Variants in GRID1 observed in about 807,000 individuals in gnomAD.
The protein encoded by GRID1 is glutamate receptor ionotropic, delta-1.
A neutral mutation model predicts 98.0 loss-of-function variants in GRID1; 28 were observed. The observed-to-expected ratio is 0.29, with a 90% CI of 0.21 to 0.39. GRID1 has a LOEUF of 0.39. Ranked by LOEUF, GRID1 falls within the 10% of genes least tolerant of loss-of-function variation. The pLI is 1.00. For missense variants in GRID1, 1,111 were observed against 1,340.5 expected (o/e 0.83, Z 2.67); for synonymous variants, 553 against 538.5 (o/e 1.03, Z -0.37).
chr10:85,710,354 A>G lies in GRID1; in HGVS notation c.1997+12649T>C, dbSNP rs536937571. 1.1e-4 allele frequency among the ~76,000 whole-genome samples: 17 copies of G among 152,292 alleles called. No homozygotes were observed. In the South Asian group the frequency reaches 3.1e-3, roughly 28 times the overall value. On this transcript the variant is annotated intron_variant, in intron 12 of 15. Transcript: ENST00000327946. ...TCAAATGATTTTCGATGAGGGTGCCAAGACAATTCAAAGAAGAAAGGATAG... is the reference window on the plus strand; with the variant it reads ...TCAAATGATTTTCGATGAGGGTGCCGAGACAATTCAAAGAAGAAAGGATAG...
At chr10:86,310,509 C>T (rs1589445266) in intron 2 of GRID1, among the ~76,000 whole-genome samples, 2 of 152,184 alleles carry the variant, frequency 1.3e-5, no homozygotes, top group East Asian at 3.8e-4. Context: ...ATGCCTTGAG[C>T]CCTCAGGACC....
chr10:85,756,054 G>A (rs1030275717), intron 8 of GRID1, among the ~76,000 whole-genome samples: 18 of 151,696 alleles, frequency 1.2e-4, no homozygotes, highest in African/African-American at 4.4e-4. Flanking sequence ...ATCTGAGGGG[G>A]ATACATTATG....
chr10:86,328,286 T>C (rs2132100599), intron 2 of GRID1, among the ~76,000 whole-genome samples: 1 of 152,390 alleles, frequency 6.6e-6, no homozygotes, highest in South Asian at 2.1e-4. Flanking sequence ...CAAGCTGATT[T>C]CAGTTTTCCC....
At chr10:85,950,685 CATT>C (rs1267625023) in intron 4 of GRID1, among the ~76,000 whole-genome samples, 2 of 152,172 alleles carry the variant, frequency 1.3e-5, no homozygotes, top group East Asian at 3.9e-4. Flanking sequence ...ATCCAGCAAA[CATT>C]ATGCCCCGTA....
chr10:85,998,796 A>G (rs956581611), intron 4 of GRID1, among the ~76,000 whole-genome samples: 1 of 152,248 alleles, frequency 6.6e-6, no homozygotes, highest in East Asian at 1.9e-4. Context: ...CAATTTTAGA[A>G]AAGTAAGATA....
chr10:86,035,691 TTTGGTGAA>T (rs1843251002), intron 4 of GRID1, among the ~76,000 whole-genome samples: 3 of 152,192 alleles, frequency 2.0e-5, no homozygotes, highest in Non-Finnish European at 4.4e-5. Context: ...CTAGGTGTGC[TTTGGTGAA>T]CAAAACAGCA....
chr10:85,630,155 A>G (rs1423969060), intron 13 of GRID1, among the ~76,000 whole-genome samples: 2 of 152,202 alleles, frequency 1.3e-5, no homozygotes, highest in African/African-American at 4.8e-5. Flanking sequence ...TTGATTTTTT[A>G]ACTTCCTTTA....
intron 8 of GRID1, among the ~76,000 whole-genome samples, chr10:85,787,565 G>A (rs950383177): frequency 1.3e-5 from 2 of 152,110 alleles, no homozygotes; most frequent in Admixed American, 6.5e-5. Flanking sequence ...GGCTGATGTC[G>A]TGGGTGTCTC....
chr10:85,700,624 G>A (rs1307267830), intron 12 of GRID1, among the ~76,000 whole-genome samples: 1 of 152,128 alleles, frequency 6.6e-6, no homozygotes, highest in Non-Finnish European at 1.5e-5. Flanking sequence ...CATCATTATA[G>A]CAGGTAAACA....
At chr10:86,290,412 C>A (rs538499042) in intron 2 of GRID1, among the ~76,000 whole-genome samples, 1 of 152,238 alleles carries the variant, frequency 6.6e-6, no homozygotes, top group South Asian at 2.1e-4. Context: ...CTTTGGGAGG[C>A]CAAGGAGGCA....
intron 5 of GRID1, among the ~76,000 whole-genome samples, chr10:85,870,884 A>G (rs940708500): frequency 6.6e-6 from 1 of 152,192 alleles, no homozygotes; most frequent in Non-Finnish European, 1.5e-5. Flanking sequence ...TAAGGGAGAC[A>G]AGGAGCTCTT....
chr10:85,821,299 T>C (rs1317284680), intron 8 of GRID1, among the ~76,000 whole-genome samples: 1 of 151,420 alleles, frequency 6.6e-6, no homozygotes, highest in Non-Finnish European at 1.5e-5. Flanking sequence ...GGGCAGATCA[T>C]TTGAGGTCAG....
intron 4 of GRID1, among the ~76,000 whole-genome samples, chr10:86,116,760 G>A (rs1049825551): frequency 6.6e-6 from 1 of 151,464 alleles, no homozygotes; most frequent in African/African-American, 2.4e-5. Flanking sequence ...CAGACTATGT[G>A]GCCAGGGGCT....
chr10:86,120,587 G>T (rs1589378218), intron 4 of GRID1, among the ~76,000 whole-genome samples: 1 of 152,148 alleles, frequency 6.6e-6, no homozygotes, highest in East Asian at 1.9e-4. Context: ...CAGGGCTTTT[G>T]TTCCTGGGTT....
At chr10:86,033,388 A>G (rs1449228420) in intron 4 of GRID1, among the ~76,000 whole-genome samples, 1 of 152,210 alleles carries the variant, frequency 6.6e-6, no homozygotes, top group Non-Finnish European at 1.5e-5. Context: ...ATGGAAGCCC[A>G]TGAGGATGAA....
chr10:85,687,256 T>C (rs1370198722), intron 12 of GRID1, among the ~76,000 whole-genome samples: 1 of 151,600 alleles, frequency 6.6e-6, no homozygotes, highest in Non-Finnish European at 1.5e-5. Flanking sequence ...AAAAAAAAAG[T>C]AATGATTTTA....
At chr10:85,652,999 G>A (rs1482275499) in intron 12 of GRID1, among the ~76,000 whole-genome samples, 4 of 152,188 alleles carry the variant, frequency 2.6e-5, no homozygotes, top group Non-Finnish European at 5.9e-5. Context: ...CAATAACTAG[G>A]TAATGCCAGG....
chr10:86,291,900 CAG>C (rs1196667516), intron 2 of GRID1, among the ~76,000 whole-genome samples: 3 of 152,216 alleles, frequency 2.0e-5, no homozygotes, highest in African/African-American at 7.2e-5. Context: ...GCCCACCTGA[CAG>C]AGGAAATCAA....
chr10:86,023,365 G>A (rs1231073409), intron 4 of GRID1, among the ~76,000 whole-genome samples: 1 of 152,106 alleles, frequency 6.6e-6, no homozygotes, highest in Non-Finnish European at 1.5e-5. Flanking sequence ...CCCTTACCTC[G>A]TTGAACTCTC....
Sources: gnomAD v4.1 joint callset for allele counts (sites outside exome capture counted in the v4.1 genomes callset) on GRCh38, gnomAD v4.1.1 for gene constraint, MANE v1.5 for transcripts, NCBI Gene and HGNC (gene_info 2026-07-23, HGNC 2026-07-21) for gene names.